The following CCDC191 variants were observed in gnomAD, a reference collection of about 807,000 sequenced individuals.
The protein encoded by CCDC191 is coiled-coil domain-containing protein 191.
In CCDC191, 99 loss-of-function variants were observed where a neutral mutation model predicts 114.0. The observed-to-expected ratio is 0.87, with a 90% CI of 0.74 to 1.03. The LOEUF is 1.03. Ranked by LOEUF, CCDC191 falls within the 50% of genes least tolerant of loss-of-function variation. CCDC191 has a pLI of 0.00. For synonymous variants in CCDC191, 351 were observed against 376.0 expected (o/e 0.93, Z 0.77); for missense variants, 973 against 1,087.0 (o/e 0.90, Z 1.47).
At chr3:114,028,455 T>A (rs1393787022) in intron 7 of CCDC191, among the ~76,000 whole-genome samples, 2 of 151,770 alleles carry the variant, frequency 1.3e-5, no homozygotes, top group African/African-American at 4.8e-5. Flanking sequence ...CTGGCTAATT[T>A]TTTGTATATT....
intron 11 of CCDC191, 59 bp from the exon 12 acceptor site, chr3:114,002,597 G>C (rs2075876087): frequency 7.1e-7 from 1 of 1,405,274 alleles, no homozygotes; most frequent in Admixed American, 2.1e-5. Context: ...GAGGAATACT[G>C]CAAGAGAAAT....
intron 4 of CCDC191, among the ~76,000 whole-genome samples, chr3:114,040,241 C>G (rs987409411): frequency 1.3e-5 from 2 of 152,162 alleles, no homozygotes; most frequent in African/African-American, 4.8e-5. Flanking sequence ...GTGTAGTAGG[C>G]TCTATCATCC....
At chr3:114,052,854 T>C (rs759337380) in intron 2 of CCDC191, among the ~76,000 whole-genome samples, 3 of 152,236 alleles carry the variant, frequency 2.0e-5, no homozygotes, top group Non-Finnish European at 2.9e-5. Flanking sequence ...TTCAAAATAC[T>C]GTCAGAATGG....
intron 7 of CCDC191, among the ~76,000 whole-genome samples, chr3:114,029,953 G>A (rs2076381133): frequency 6.6e-6 from 1 of 152,118 alleles, no homozygotes; most frequent in Non-Finnish European, 1.5e-5. Flanking sequence ...GTGAAATTAT[G>A]GATTGAGTCC....
At chr3:114,001,934 C>T (rs893005068) in intron 12 of CCDC191, among the ~76,000 whole-genome samples, 18 of 152,142 alleles carry the variant, frequency 1.2e-4, no homozygotes, top group Admixed American at 9.2e-4. Flanking sequence ...AATAAGATCA[C>T]CAATCTTTCA....
chr3:114,035,646 GATC>G (rs746886405), intron 5 of CCDC191, among the ~76,000 whole-genome samples: 2 of 151,988 alleles, frequency 1.3e-5, no homozygotes, highest in African/African-American at 2.4e-5. Flanking sequence ...AGTGATTCTG[GATC>G]ATATTTGGAA....
chr3:114,010,885 C>A lies in CCDC191; in HGVS notation c.1300G>T (p.Asp434Tyr). 1 of 1,614,110 alleles carries A rather than the reference C, an allele frequency of 6.2e-7. No homozygotes were observed. Among genetic ancestry groups the A allele is most frequent in the Non-Finnish European group, 8.5e-7 (1 of 1,179,958 alleles). The change falls in exon 9 of 17, where the codon GAT becomes TAT. Residue 434 changes from aspartate to tyrosine, a missense_variant. Asp to Tyr is a radical substitution (Grantham distance 160). Coordinates refer to ENST00000295878, the MANE Select transcript of CCDC191 (RefSeq NM_020817.2). The part of the protein sequence containing the change: ...LTKEETRKKM[D>Y]ALLQAASLGK... Reference sequence around the variant, plus strand: ...AGTGATGCTGCCTGCAGCAGTGCATCCATCTTCTTCCTAGTTTCCTCTTTT... The same window carrying A: ...AGTGATGCTGCCTGCAGCAGTGCATACATCTTCTTCCTAGTTTCCTCTTTT...
At chr3:113,984,815 G>A (rs2075294507) in intron 13 of CCDC191, among the ~76,000 whole-genome samples, 1 of 152,154 alleles carries the variant, frequency 6.6e-6, no homozygotes, top group Non-Finnish European at 1.5e-5. Flanking sequence ...ATGATCTCTT[G>A]GTCAGTAATG....
intron 16 of CCDC191, among the ~76,000 whole-genome samples, chr3:113,975,425 G>A (rs561643490): frequency 1.3e-5 from 2 of 152,114 alleles, no homozygotes; most frequent in Admixed American, 1.3e-4. Context: ...TAATGTTAAA[G>A]CCCCTTTTAA....
rs75178047 is a variant in CCDC191, at chr3:113,986,187, T to G, written c.2164-5394A>C. On this transcript the variant is annotated intron_variant, in intron 13 of 16. Coordinates refer to ENST00000295878, the MANE Select transcript of CCDC191 (RefSeq NM_020817.2). ...ATAAAAAAACACATGGTAATAGAGA[T>G]AAAGAGGCACTTCAACTAGCTTACT... Among the ~76,000 whole-genome samples, 958 of 152,082 alleles carry G rather than the reference T, an allele frequency of 6.3e-3. 3 individuals carry two copies. The highest frequency in any genetic ancestry group is 0.022 in the African/African-American group (899 of 41,480).
chr3:114,013,460 T>C (rs1257127759), intron 8 of CCDC191, among the ~76,000 whole-genome samples: 1 of 152,124 alleles, frequency 6.6e-6, no homozygotes, highest in Non-Finnish European at 1.5e-5. Context: ...AAAACATAAA[T>C]ATTTCTAAAA....
intron 4 of CCDC191, among the ~76,000 whole-genome samples, chr3:114,037,682 CA>C (rs1413950842): frequency 3.3e-5 from 5 of 151,912 alleles, no homozygotes; most frequent in Non-Finnish European, 5.9e-5. Context: ...TATCAAAATC[CA>C]AAGATGTTCA....
rs1020856207 is a variant in CCDC191, at chr3:114,010,801, T to C, written c.1384A>G (p.Met462Val). 6 of 1,613,660 alleles carry C rather than the reference T, an allele frequency of 3.7e-6. No homozygotes were observed. Among genetic ancestry groups the C allele is most frequent in the Non-Finnish European group, 5.1e-6 (6 of 1,179,662 alleles). ...GISLPEEATA[M>V]VGPPVKNGQE... is the part of the protein sequence containing the mutation. Reference sequence around the variant, plus strand: ...CCATTTTTTACTGGTGGACCCACCATGGCTGTTGCCTCCTCAGGTAGACTG... The same window carrying C: ...CCATTTTTTACTGGTGGACCCACCACGGCTGTTGCCTCCTCAGGTAGACTG... Residue 462 changes from methionine (M) to valine (V), a missense_variant, in exon 9 of 17, where the codon ATG (methionine) becomes GTG (valine). Coordinates refer to ENST00000295878, the MANE Select transcript of CCDC191 (RefSeq NM_020817.2).
intron 7 of CCDC191, among the ~76,000 whole-genome samples, chr3:114,022,983 C>T (rs574763975): frequency 2.0e-5 from 3 of 152,152 alleles, no homozygotes; most frequent in Non-Finnish European, 4.4e-5. Flanking sequence ...CCAAAATCTC[C>T]TTAAGCTGAT....
At chr3:114,028,878 T>C (rs1003400894) in intron 7 of CCDC191, among the ~76,000 whole-genome samples, 3 of 151,130 alleles carry the variant, frequency 2.0e-5, no homozygotes, top group Non-Finnish European at 4.4e-5. Flanking sequence ...TGGATTTTAA[T>C]ATGTATACAG....
Position 113,979,965 on chromosome 3 carries a change from TTCTC to T in CCDC191, c.2307+681_2307+684del, listed in dbSNP as rs377004540. ...TGCAGTAGAGTGAATTACTGTTCTG[TTCTC>T]TCTAATAGAATTATACACCCATACC... On this transcript the variant is annotated intron_variant, in intron 14 of 16. Coordinates refer to ENST00000295878, the MANE Select transcript of CCDC191 (RefSeq NM_020817.2). 1.2e-3 allele frequency among the ~76,000 whole-genome samples: 181 copies of T among 152,342 alleles called. 1 individual carries two copies. In the East Asian group the frequency reaches 0.026, roughly 22 times the overall value.
At chr3:114,053,485 G>A in intron 2 of CCDC191, 112 bp downstream of exon 2, 2 of 518,188 alleles carry the variant, frequency 3.9e-6, no homozygotes, top group Non-Finnish European at 6.7e-6. Flanking sequence ...TAGTCACACG[G>A]GAATAAAAAT....
chr3:114,043,871 G>C (rs1174661431), intron 3 of CCDC191, among the ~76,000 whole-genome samples: 2 of 152,074 alleles, frequency 1.3e-5, no homozygotes, highest in Non-Finnish European at 1.5e-5. Context: ...CTAATGGACT[G>C]GATATAGGAC....
chr3:114,003,705 T>G (rs2075895717), intron 11 of CCDC191: 1 of 985,354 alleles, frequency 1.0e-6, no homozygotes, highest in Admixed American at 6.1e-5. Context: ...ATTGCTGTCC[T>G]GGCAGATAGT....
Sources: gnomAD v4.1 joint callset for allele counts (sites outside exome capture counted in the v4.1 genomes callset) on GRCh38, gnomAD v4.1.1 for gene constraint, MANE v1.5 for transcripts, NCBI Gene and HGNC (gene_info 2026-07-23, HGNC 2026-07-21) for gene names.